ZNF609: variants seen among roughly 807,000 people sequenced by gnomAD.
ZNF609 encodes zinc finger protein 609.
Under a neutral mutation model 109.5 loss-of-function variants are expected in ZNF609, and 11 were observed. That is an observed-to-expected ratio of 0.10 (90% CI 0.06 to 0.17). The LOEUF is 0.17. Among genes scored for constraint, ZNF609 ranks in the 10% least tolerant of loss-of-function variants. The pLI is 1.00. For synonymous variants in ZNF609, 646 were observed against 662.0 expected, an observed-to-expected ratio of 0.98 and a Z score of 0.37; for missense variants, 1,559 against 1,772.4, an observed-to-expected ratio of 0.88 and a Z score of 2.16.
chr15:64,625,928 T>TAGAG (rs1895952507), intron 3 of ZNF609, among the ~76,000 whole-genome samples: 2 of 73,598 alleles, frequency 2.7e-5, no homozygotes, highest in African/African-American at 1.1e-4. Context: ...TATATATATA[T>TAGAG]ATATATATAG....
At chr15:64,517,895 T>C (rs181765529) in intron 2 of ZNF609, among the ~76,000 whole-genome samples, 22 of 151,958 alleles carry the variant, frequency 1.4e-4, no homozygotes, top group Non-Finnish European at 2.9e-4. Context: ...TCCTCCCAAC[T>C]CAGCCTCCCA....
At chr15:64,515,469 G>A (rs921028412) in intron 2 of ZNF609, among the ~76,000 whole-genome samples, 2 of 152,146 alleles carry the variant, frequency 1.3e-5, no homozygotes, top group African/African-American at 4.8e-5. Flanking sequence ...AGTTTGGCCA[G>A]GGCAAAGCTC....
rs1275316954 is a variant in ZNF609, at chr15:64,669,218, T to C, written c.974-1128T>C. Among the ~76,000 whole-genome samples the C allele has an allele frequency of 3.3e-5, 5 of 152,188 alleles. No homozygotes were observed. In the East Asian group the frequency reaches 7.7e-4, roughly 23 times the overall value. ...TGATTAACAGTTTTACTTACAGGAA[T>C]TCATCTTACAGACATATTTGTGTAG... On this transcript the variant is annotated intron_variant, in intron 3 of 9. Transcript: ENST00000326648.
intron 2 of ZNF609, among the ~76,000 whole-genome samples, chr15:64,614,345 C>G (rs1857894706): frequency 1.3e-5 from 2 of 152,092 alleles, no homozygotes; most frequent in African/African-American, 4.8e-5. Flanking sequence ...ATTGCCCTGC[C>G]TCAGCCTCTG....
At position 64,565,832 on chromosome 15, in the gene ZNF609, A is replaced by G. The variant is rs190070769; in HGVS notation, c.748-56995A>G. On this transcript the variant is annotated intron_variant, in intron 2 of 9. Coordinates refer to ENST00000326648, the MANE Select transcript of ZNF609 (RefSeq NM_015042.2). ...TCATTTAAAAGCATTCTTTAATTGA[A>G]GTACTTTATTTTATTTTATTTTATT... 8.9e-3 allele frequency among the ~76,000 whole-genome samples: 1,346 copies of G among 151,806 alleles called. 24 individuals are homozygous for G. The highest frequency in any genetic ancestry group is 0.031 in the African/African-American group (1,283 of 41,182).
chr15:64,581,673 T>G (rs1219422225), intron 2 of ZNF609, among the ~76,000 whole-genome samples: 4 of 152,082 alleles, frequency 2.6e-5, no homozygotes, highest in Non-Finnish European at 4.4e-5. Context: ...AGCTGCTGCT[T>G]TTTCACTGTG....
intron 2 of ZNF609, among the ~76,000 whole-genome samples, chr15:64,582,743 CAG>C (rs1436512950): frequency 2.9e-5 from 2 of 68,468 alleles, no homozygotes; most frequent in East Asian, 4.2e-4. Flanking sequence ...TTTTTTGAGA[CAG>C]AGTCTTTTTT....
chr15:64,586,065 C>A (rs1039418884), intron 2 of ZNF609, among the ~76,000 whole-genome samples: 8 of 152,092 alleles, frequency 5.3e-5, no homozygotes, highest in African/African-American at 1.9e-4. Flanking sequence ...TGGCTCATGC[C>A]TGTAATCCCA....
chr15:64,604,639 T>A (rs1895564542), intron 2 of ZNF609, among the ~76,000 whole-genome samples: 1 of 152,132 alleles, frequency 6.6e-6, no homozygotes, highest in South Asian at 2.1e-4. Flanking sequence ...TCAGGACTTT[T>A]TCAGTTATGA....
chr15:64,523,433 A>C (rs1194865871), intron 2 of ZNF609, among the ~76,000 whole-genome samples: 10 of 152,152 alleles, frequency 6.6e-5, no homozygotes, highest in African/African-American at 2.4e-4. Flanking sequence ...GCTTTTACCA[A>C]GAGCCTGACA....
At chr15:64,547,888 C>T (rs1033533132) in intron 2 of ZNF609, among the ~76,000 whole-genome samples, 2 of 151,922 alleles carry the variant, frequency 1.3e-5, no homozygotes, top group Non-Finnish European at 1.5e-5. Flanking sequence ...AGCAGGAGGA[C>T]GGGGGTGTAG....
chr15:64,539,664 C>T (rs545544007), intron 2 of ZNF609, among the ~76,000 whole-genome samples: 38 of 152,222 alleles, frequency 2.5e-4, no homozygotes, highest in Non-Finnish European at 4.3e-4. Context: ...CCACCATTCC[C>T]GGCTAATTTT....
chr15:64,658,466 G>GGATT (rs1242073175), intron 3 of ZNF609, among the ~76,000 whole-genome samples: 1 of 151,712 alleles, frequency 6.6e-6, no homozygotes, highest in African/African-American at 2.4e-5. Flanking sequence ...CAAAGTGCTG[G>GGATT]GATTACAGGT....
At chr15:64,483,231 A>G (rs1205089423) in intron 1 of ZNF609, among the ~76,000 whole-genome samples, 1 of 151,750 alleles carries the variant, frequency 6.6e-6, no homozygotes, top group African/African-American at 2.4e-5. Context: ...GAGTTGCTGG[A>G]ATTACAGGCA....
At chr15:64,543,498 C>A (rs1383876159) in intron 2 of ZNF609, among the ~76,000 whole-genome samples, 1 of 150,182 alleles carries the variant, frequency 6.7e-6, no homozygotes, top group Non-Finnish European at 1.5e-5. Flanking sequence ...GGCTGAAGTG[C>A]AGTGGCGTGA....
intron 2 of ZNF609, among the ~76,000 whole-genome samples, chr15:64,567,848 A>C (rs1894802563): frequency 6.6e-6 from 1 of 152,052 alleles, no homozygotes; most frequent in Non-Finnish European, 1.5e-5. Flanking sequence ...TTTTTAGTAG[A>C]GACGGGATTT....
chr15:64,529,313 G>C, intron 2 of ZNF609: 1 of 719,208 alleles, frequency 1.4e-6, no homozygotes, highest in Admixed American at 1.7e-5. Flanking sequence ...CAGAGATGTT[G>C]ACCCTTTTGG....
intron 2 of ZNF609, among the ~76,000 whole-genome samples, chr15:64,580,955 C>CTTTTTTTTTTTTTTTTTTTTTTTT (rs57690590): frequency 1.7e-5 from 1 of 58,744 alleles, no homozygotes; most frequent in African/African-American, 7.8e-5. Context: ...TCAATGTCTT[C>CTTTTTTTTTTTTTTTTTTTTTTTT]TTTTTTTTTT....
At chr15:64,633,005 A>G (rs1896109059) in intron 3 of ZNF609, among the ~76,000 whole-genome samples, 1 of 151,722 alleles carries the variant, frequency 6.6e-6, no homozygotes, top group East Asian at 1.9e-4. Flanking sequence ...GCTGGTTTCA[A>G]ACTCCTAGGC....
Sources: gnomAD v4.1 joint callset for allele counts (sites outside exome capture counted in the v4.1 genomes callset) on GRCh38, gnomAD v4.1.1 for gene constraint, MANE v1.5 for transcripts, NCBI Gene and HGNC (gene_info 2026-07-23, HGNC 2026-07-21) for gene names.